OCA2: variants seen among roughly 807,000 people sequenced by gnomAD.
OCA2 encodes the protein OCA2 melanosomal transmembrane protein, also known as P protein.
A neutral mutation model predicts 100.2 loss-of-function variants in OCA2; 77 were observed. That is an observed-to-expected ratio of 0.77 (90% CI 0.64 to 0.93). The LOEUF is 0.93. Among genes scored for constraint, OCA2 ranks in the 40% least tolerant of loss-of-function variants. The probability of loss-of-function intolerance (pLI) is 0.00; values close to 1 mark genes in which losing one functional copy is unlikely to be tolerated. For missense variants in OCA2, 1,062 were observed against 1,089.1 expected (o/e 0.98, Z 0.35); for synonymous variants, 432 against 439.2 (o/e 0.98, Z 0.21).
At chr15:27,816,956 C>G (rs769800444) in intron 23 of OCA2, among the ~76,000 whole-genome samples, 11 of 152,152 alleles carry the variant, frequency 7.2e-5, no homozygotes, top group Admixed American at 2.6e-4. Context: ...GTTCAGGCCT[C>G]CCTTCCCCTA....
chr15:27,782,368 T>C (rs2032588542), intron 23 of OCA2, among the ~76,000 whole-genome samples: 1 of 152,134 alleles, frequency 6.6e-6, no homozygotes, highest in African/African-American at 2.4e-5. Flanking sequence ...ATGTGGAGTG[T>C]CTCCCAACAG....
At chr15:27,766,497 C>T (rs2031272088) in intron 23 of OCA2, among the ~76,000 whole-genome samples, 1 of 152,148 alleles carries the variant, frequency 6.6e-6, no homozygotes, top group East Asian at 1.9e-4. Context: ...GAACCTGTGT[C>T]CTGAGGGGTT....
At chr15:27,929,568 C>T (rs576304757) in intron 18 of OCA2, among the ~76,000 whole-genome samples, 56 of 151,982 alleles carry the variant, frequency 3.7e-4, no homozygotes, top group African/African-American at 1.3e-3. Flanking sequence ...ATCTCTGACC[C>T]TGAGTTAAAG....
intron 19 of OCA2, among the ~76,000 whole-genome samples, chr15:27,880,906 G>A (rs1476878532): frequency 1.3e-5 from 2 of 152,184 alleles, no homozygotes; most frequent in South Asian, 2.1e-4. Flanking sequence ...AATAGGAGTG[G>A]TGAGAGAGTG....
intron 18 of OCA2, among the ~76,000 whole-genome samples, chr15:27,947,858 C>T (rs2039896806): frequency 6.6e-6 from 1 of 152,126 alleles, no homozygotes; most frequent in African/African-American, 2.4e-5. Flanking sequence ...CTGCCCGGCC[C>T]CCATCCCTCA....
At chr15:27,951,686 G>T in intron 18 of OCA2, 98 bp downstream of exon 18, 1 of 891,292 alleles carries the variant, frequency 1.1e-6, no homozygotes, top group Non-Finnish European at 1.8e-6. Context: ...CCACCAGCCC[G>T]GCTGCCTGTG....
Position 28,043,030 on chromosome 15 carries a change from C to T in OCA2, c.228-10867G>A, listed in dbSNP as rs1280510553. On this transcript the variant is annotated intron_variant, in intron 2 of 23. Coordinates refer to ENST00000354638, the MANE Select transcript of OCA2 (RefSeq NM_000275.3). This position sits in a 1 kb window ranked among gnomAD's most constrained non-coding sequence, Gnocchi z 4.4. ...CTACAAACTGTTTTTAAAATGCTTC[C>T]AGACAATTTGTAAGGACAGTTAACA... Among the ~76,000 whole-genome samples, 1 of 152,004 alleles carries T rather than the reference C, an allele frequency of 6.6e-6. No homozygotes were observed. Among genetic ancestry groups the T allele is most frequent in the Non-Finnish European group, 1.5e-5 (1 of 68,014 alleles).
intron 17 of OCA2, 99 bp from the exon 18 acceptor site, chr15:27,951,991 G>A (rs2040047169): frequency 2.3e-6 from 2 of 860,868 alleles, no homozygotes; most frequent in African/African-American, 3.3e-5. Flanking sequence ...GATTTCACGA[G>A]GATGAAAAAT....
At chr15:27,726,199 G>A in the OCA2 span, among the ~76,000 whole-genome samples, 4 of 152,094 alleles carry the variant, frequency 2.6e-5, no homozygotes, top group Non-Finnish European at 4.4e-5. Flanking sequence ...TCGGGAGGCT[G>A]AGGCAGGAGA....
At chr15:27,731,746 C>T in the OCA2 span, among the ~76,000 whole-genome samples, 5 of 152,194 alleles carry the variant, frequency 3.3e-5, no homozygotes, top group African/African-American at 9.6e-5. Context: ...CATCAGGTGC[C>T]GTGTGTTCAC....
At chr15:27,726,284 C>T in the OCA2 span, among the ~76,000 whole-genome samples, 6 of 150,304 alleles carry the variant, frequency 4.0e-5, no homozygotes, top group Non-Finnish European at 5.9e-5. Flanking sequence ...GGCGACAGAG[C>T]GAGACTCCAG....
At chr15:27,778,951 AC>A (rs1400467659) in intron 23 of OCA2, among the ~76,000 whole-genome samples, 1 of 152,230 alleles carries the variant, frequency 6.6e-6, no homozygotes, top group East Asian at 1.9e-4. Flanking sequence ...TTTTACAGCA[AC>A]CTGGATATGG....
chr15:28,067,716 G>A (rs755389785), intron 2 of OCA2, among the ~76,000 whole-genome samples: 10 of 152,064 alleles, frequency 6.6e-5, no homozygotes, highest in East Asian at 3.9e-4. Flanking sequence ...GTATTATTTC[G>A]ATTTCTTTTG....
chr15:28,015,643 C>T (rs2042367948), intron 8 of OCA2, among the ~76,000 whole-genome samples: 1 of 152,158 alleles, frequency 6.6e-6, no homozygotes, highest in Admixed American at 6.5e-5. Flanking sequence ...ACCCTGTCGA[C>T]ACCTTGACCT....
chr15:28,022,470 G>A (rs756747084), intron 6 of OCA2, 31 bp downstream of exon 6: 50 of 1,513,952 alleles, frequency 3.3e-5, no homozygotes, highest in East Asian at 2.9e-4. Context: ...TCAGCCAGGC[G>A]GCTGGCCATC....
chr15:27,980,915 C>A (rs1427408148), intron 14 of OCA2, among the ~76,000 whole-genome samples: 4 of 152,104 alleles, frequency 2.6e-5, no homozygotes, highest in African/African-American at 4.8e-5. Flanking sequence ...TGGGTTTATA[C>A]CATTCATAAA....
At chr15:28,063,612 T>C (rs2043940210) in intron 2 of OCA2, among the ~76,000 whole-genome samples, 1 of 152,150 alleles carries the variant, frequency 6.6e-6, no homozygotes, top group Non-Finnish European at 1.5e-5. Flanking sequence ...AGGATTACAA[T>C]TATCATCTTA....
Position 27,832,465 on chromosome 15 carries a change from C to T in OCA2, c.2432+12494G>A, listed in dbSNP as rs112345742. Among the ~76,000 whole-genome samples, 282 of 152,370 alleles carry T rather than the reference C, an allele frequency of 1.9e-3. 4 individuals are homozygous for T. The highest frequency in any genetic ancestry group is 6.6e-3 in the African/African-American group (275 of 41,588). On this transcript the variant is annotated intron_variant, in intron 23 of 23. Coordinates refer to ENST00000354638, the MANE Select transcript of OCA2 (RefSeq NM_000275.3). ...TCTACAGTCTCCCTCCCCCGGGTGC[C>T]TTCCACCATCTTCAGCGCCATCCTC...
chr15:27,754,469 C>T (rs543478891), downstream of OCA2, among the ~76,000 whole-genome samples: 1 of 152,342 alleles, frequency 6.6e-6, no homozygotes, highest in South Asian at 2.1e-4. Context: ...AGAAGGGCTT[C>T]TTCCTCTGGG....
Sources: gnomAD v4.1 joint callset for allele counts (sites outside exome capture counted in the v4.1 genomes callset) on GRCh38, gnomAD v4.1.1 for gene constraint, Gnocchi (gnomAD v3.1) non-coding constraint, MANE v1.5 for transcripts, NCBI Gene and HGNC (gene_info 2026-07-23, HGNC 2026-07-21) for gene names.